Variants in ADD2 observed in about 807,000 individuals in gnomAD.
ADD2 encodes the protein adducin 2, also known as beta-adducin.
Under a neutral mutation model 83.0 loss-of-function variants are expected in ADD2, and 23 were observed. The ratio of observed to expected loss-of-function variants is 0.28; its 90% CI spans 0.20 to 0.39. ADD2 has a LOEUF of 0.39. ADD2 is among the 10% of genes least tolerant of loss of function. ADD2 has a pLI of 1.00. For synonymous variants in ADD2, 375 were observed against 375.4 expected (o/e 1.00, Z 0.01); for missense variants, 758 against 944.9 (o/e 0.80, Z 2.59).
At chr2:70,663,788 T>C in intron 15 of ADD2, 53 bp from the exon 16 acceptor site, 1 of 1,538,892 alleles carries the variant, frequency 6.5e-7, no homozygotes, top group South Asian at 1.2e-5. Flanking sequence ...GGTGACAGCT[T>C]CCACCTGGGG....
intron 1 of ADD2, among the ~76,000 whole-genome samples, chr2:70,759,174 A>G (rs1227903510): frequency 1.3e-5 from 2 of 152,160 alleles, no homozygotes; most frequent in African/African-American, 2.4e-5. Context: ...CAGGCATTAA[A>G]TGGAGCACTG....
At chr2:70,689,548 A>C (rs540477203) in intron 8 of ADD2, among the ~76,000 whole-genome samples, 1 of 152,408 alleles carries the variant, frequency 6.6e-6, no homozygotes, top group Admixed American at 6.5e-5. Context: ...AAATTCTTGT[A>C]GCACTTCGTA....
chr2:70,722,582 T>C (rs1329538229), intron 1 of ADD2, among the ~76,000 whole-genome samples: 3 of 152,206 alleles, frequency 2.0e-5, no homozygotes, highest in Non-Finnish European at 2.9e-5. Flanking sequence ...TCAGGGCTTA[T>C]CAGTAGACCA....
intron 14 of ADD2, 75 bp downstream of exon 14, chr2:70,674,603 C>G (rs1224525066): frequency 4.8e-6 from 7 of 1,462,598 alleles, no homozygotes; most frequent in Non-Finnish European, 6.5e-6. Flanking sequence ...CAGGAAGGTC[C>G]TCTCTTGGTA....
intron 9 of ADD2, among the ~76,000 whole-genome samples, chr2:70,684,582 A>C (rs1670623435): frequency 6.6e-6 from 1 of 152,234 alleles, no homozygotes; most frequent in Non-Finnish European, 1.5e-5. Flanking sequence ...ACTTGAAAGA[A>C]ATAGGCTGGC....
Position 70,676,470 on chromosome 2 carries a change from A to G in ADD2, c.1593+326T>C. ...CCTGGGAGTCTCCAGCCCCAAGCCT[A>G]TGAGTCCCCACTTCACGGGGTAGTA... On this transcript the variant is annotated intron_variant, in intron 13 of 15. Coordinates refer to ENST00000264436, the MANE Select transcript of ADD2 (RefSeq NM_001617.4). This position sits in a 1 kb window ranked among gnomAD's most constrained non-coding sequence, Gnocchi z 4.8. 2 of 1,293,612 alleles carry G rather than the reference A, an allele frequency of 1.5e-6. No homozygotes were observed. Among genetic ancestry groups the G allele is most frequent in the South Asian group, 2.5e-5 (1 of 39,886 alleles). 80.1% of individuals were successfully genotyped at this position (1,293,612 alleles called of 1,614,324 possible). A position where few individuals can be genotyped will look rare whatever the true frequency, so the allele number is the denominator to read the frequency against.
intron 15 of ADD2, 139 bp from the exon 16 acceptor site, chr2:70,663,874 G>A: frequency 1.1e-6 from 1 of 907,092 alleles, no homozygotes; most frequent in Non-Finnish European, 1.6e-6. Context: ...GTTGAGGGAT[G>A]GCTACCAGAG....
intron 1 of ADD2, among the ~76,000 whole-genome samples, chr2:70,758,786 C>T (rs571548831): frequency 2.0e-5 from 3 of 152,016 alleles, no homozygotes; most frequent in Non-Finnish European, 4.4e-5. Flanking sequence ...GGCAACAGAG[C>T]GAGACCTTGT....
chr2:70,672,560 C>T (rs1669937886), intron 15 of ADD2, among the ~76,000 whole-genome samples: 1 of 152,218 alleles, frequency 6.6e-6, no homozygotes. Context: ...GGTACCTATA[C>T]ACGTTAAGGT....
chr2:70,688,140 G>A lies in ADD2; in HGVS notation c.850-18C>T. 1 of 1,602,502 alleles carries A rather than the reference G, an allele frequency of 6.2e-7. No homozygotes were observed. Among genetic ancestry groups the A allele is most frequent in the Non-Finnish European group, 8.5e-7 (1 of 1,170,150 alleles). ...ACCAGGATCTGTAGAGAAATAAATAGTCAATTAAAACCTTAAGTCCTCTAA... is the reference window on the plus strand; with the variant it reads ...ACCAGGATCTGTAGAGAAATAAATAATCAATTAAAACCTTAAGTCCTCTAA... On this transcript the variant is annotated intron_variant, in intron 8 of 15. Transcript: ENST00000264436.
At chr2:70,709,414 T>A (rs1213977144) in intron 2 of ADD2, among the ~76,000 whole-genome samples, 1 of 152,204 alleles carries the variant, frequency 6.6e-6, no homozygotes, top group East Asian at 1.9e-4. Context: ...TGGCAACATT[T>A]AAATCCAGAC....
At chr2:70,734,155 C>T (rs72830352) in intron 1 of ADD2, among the ~76,000 whole-genome samples, 163 of 152,240 alleles carry the variant, frequency 1.1e-3, no homozygotes, top group Non-Finnish European at 1.7e-3. Flanking sequence ...AACCAACCAT[C>T]GGGTGGGTGC....
chr2:70,694,792 C>T (rs1671224010), intron 6 of ADD2, among the ~76,000 whole-genome samples: 2 of 152,098 alleles, frequency 1.3e-5, no homozygotes, highest in Admixed American at 1.3e-4. Flanking sequence ...CCAGGCTCCC[C>T]AAGCTTCCTT....
chr2:70,692,923 G>T (rs1214969165), intron 6 of ADD2, among the ~76,000 whole-genome samples: 1 of 152,128 alleles, frequency 6.6e-6, no homozygotes, highest in African/African-American at 2.4e-5. Flanking sequence ...GGGTAGCAAA[G>T]TGCTAGAAAA....
intron 1 of ADD2, among the ~76,000 whole-genome samples, chr2:70,724,753 C>T (rs782681656): frequency 3.3e-5 from 5 of 152,362 alleles, no homozygotes; most frequent in Non-Finnish European, 5.9e-5. Context: ...GTACTAGGTG[C>T]CAGCCACTCA....
At chr2:70,747,545 C>G (rs1674282779) in intron 1 of ADD2, among the ~76,000 whole-genome samples, 1 of 151,624 alleles carries the variant, frequency 6.6e-6, no homozygotes, top group South Asian at 2.1e-4. Flanking sequence ...ATGTGTTCTC[C>G]CATCATGCCA....
intron 1 of ADD2, among the ~76,000 whole-genome samples, chr2:70,741,841 G>T (rs1673933495): frequency 6.6e-6 from 1 of 152,130 alleles, no homozygotes; most frequent in African/African-American, 2.4e-5. Context: ...TGCAGTATAG[G>T]TTGGCCTGTT....
chr2:70,704,113 T>C (rs189443285), intron 4 of ADD2, among the ~76,000 whole-genome samples: 56 of 152,240 alleles, frequency 3.7e-4, no homozygotes, highest in African/African-American at 1.3e-3. Context: ...ATTGGGGTAA[T>C]TTTTCTGTGG....
chr2:70,743,113 GTCACA>G (rs1467721571), intron 1 of ADD2, among the ~76,000 whole-genome samples: 2 of 152,194 alleles, frequency 1.3e-5, no homozygotes, highest in African/African-American at 4.8e-5. Context: ...TCACAGCAAA[GTCACA>G]TCTTATGATA....
Sources: gnomAD v4.1 joint callset for allele counts (sites outside exome capture counted in the v4.1 genomes callset) on GRCh38, gnomAD v4.1.1 for gene constraint, Gnocchi (gnomAD v3.1) non-coding constraint, MANE v1.5 for transcripts, NCBI Gene and HGNC (gene_info 2026-07-23, HGNC 2026-07-21) for gene names.